Variants in ST6GAL2 observed in about 807,000 individuals in gnomAD.
The protein encoded by ST6GAL2 is beta-galactoside alpha-2,6-sialyltransferase 2.
Under a neutral mutation model 37.5 loss-of-function variants are expected in ST6GAL2, and 24 were observed. That is an observed-to-expected ratio of 0.64 (90% CI 0.46 to 0.90). The LOEUF (loss-of-function observed/expected upper bound fraction) is 0.90, where lower values mean the gene tolerates loss of function less well. Ranked by LOEUF, ST6GAL2 falls within the 40% of genes least tolerant of loss-of-function variation. ST6GAL2 has a pLI of 0.00. For missense variants in ST6GAL2, 715 were observed against 712.7 expected (o/e 1.00, Z -0.04); for synonymous variants, 306 against 295.1 (o/e 1.04, Z -0.38).
chr2:106,878,437 C>T (rs1678598598), intron 1 of ST6GAL2, among the ~76,000 whole-genome samples: 1 of 152,112 alleles, frequency 6.6e-6, no homozygotes, highest in South Asian at 2.1e-4. Context: ...GTACTCCAGC[C>T]TAGGCAACAG....
intron 1 of ST6GAL2, 139 bp downstream of exon 1, chr2:106,885,954 T>TTTCCCCAAACCACCTTCAACA (rs2104678070): frequency 6.6e-6 from 1 of 152,354 alleles, no homozygotes; most frequent in African/African-American, 2.4e-5. Flanking sequence ...ATTTCCTGCT[T>TTTCCCCAAACCACCTTCAACA]TTCCCCAAAC....
chr2:106,832,973 C>T (rs1488340766), intron 3 of ST6GAL2, among the ~76,000 whole-genome samples: 3 of 152,132 alleles, frequency 2.0e-5, no homozygotes, highest in African/African-American at 7.2e-5. Flanking sequence ...AGCCGCACAA[C>T]CTCTTCTACA....
chr2:106,860,572 C>T (rs923688656), intron 1 of ST6GAL2, among the ~76,000 whole-genome samples: 1 of 152,168 alleles, frequency 6.6e-6, no homozygotes, highest in Non-Finnish European at 1.5e-5. Flanking sequence ...CCACGTACTG[C>T]AACACGGGCA....
intron 1 of ST6GAL2, among the ~76,000 whole-genome samples, chr2:106,874,529 T>G (rs958191631): frequency 4.7e-5 from 7 of 150,392 alleles, no homozygotes; most frequent in African/African-American, 1.5e-4. Context: ...ACAATCGAGC[T>G]TAAGGTTTGG....
chr2:106,813,772 C>A (rs1675696789), intron 5 of ST6GAL2, among the ~76,000 whole-genome samples: 2 of 152,210 alleles, frequency 1.3e-5, no homozygotes, highest in Middle Eastern at 3.4e-3. Flanking sequence ...CAGTTTAAAT[C>A]AATTCTAATA....
intron 1 of ST6GAL2, among the ~76,000 whole-genome samples, chr2:106,868,221 C>T (rs1037697677): frequency 2.6e-5 from 4 of 152,012 alleles, no homozygotes; most frequent in African/African-American, 4.8e-5. Context: ...GGGGAAGGAA[C>T]GGAAGCCTGG....
At chr2:106,876,420 T>C (rs1678504724) in intron 1 of ST6GAL2, among the ~76,000 whole-genome samples, 2 of 152,192 alleles carry the variant, frequency 1.3e-5, no homozygotes, top group Non-Finnish European at 2.9e-5. Flanking sequence ...TGAACAAATA[T>C]TGAACTTTTG....
At chr2:106,866,414 T>A (rs1037950536) in intron 1 of ST6GAL2, among the ~76,000 whole-genome samples, 2 of 152,224 alleles carry the variant, frequency 1.3e-5, no homozygotes, top group East Asian at 3.8e-4. Context: ...ATCCTGTCCA[T>A]CGTTCCTTGC....
At chr2:106,827,843 T>C (rs1382290348) in intron 5 of ST6GAL2, among the ~76,000 whole-genome samples, 1 of 152,168 alleles carries the variant, frequency 6.6e-6, no homozygotes, top group Non-Finnish European at 1.5e-5. Flanking sequence ...AAAATAATAA[T>C]GCTTATTAGT....
intron 1 of ST6GAL2, among the ~76,000 whole-genome samples, chr2:106,865,894 T>C (rs1241852049): frequency 6.6e-6 from 1 of 152,202 alleles, no homozygotes. Flanking sequence ...GATAATAAAA[T>C]ATATTTGTGA....
At chr2:106,836,586 T>TAA (rs1676647891) in intron 2 of ST6GAL2, among the ~76,000 whole-genome samples, 1 of 151,564 alleles carries the variant, frequency 6.6e-6, no homozygotes, top group African/African-American at 2.4e-5. Flanking sequence ...TATATATATA[T>TAA]AATATGTTAG....
chr2:106,807,249 G>A (rs908366046), intron 5 of ST6GAL2, among the ~76,000 whole-genome samples: 24 of 152,094 alleles, frequency 1.6e-4, no homozygotes, highest in Non-Finnish European at 3.2e-4. Flanking sequence ...GGAACCACAC[G>A]CTAGTGAAGG....
chr2:106,858,893 T>C (rs1326777814), intron 1 of ST6GAL2, among the ~76,000 whole-genome samples: 1 of 152,074 alleles, frequency 6.6e-6, no homozygotes, highest in African/African-American at 2.4e-5. Context: ...GTGCTCAGAA[T>C]GGCAAGGGAG....
intron 1 of ST6GAL2, among the ~76,000 whole-genome samples, chr2:106,858,030 T>G (rs1483260167): frequency 6.6e-6 from 1 of 152,228 alleles, no homozygotes; most frequent in African/African-American, 2.4e-5. Flanking sequence ...CTGTCACATC[T>G]TCTTCTTAAC....
intron 2 of ST6GAL2, among the ~76,000 whole-genome samples, chr2:106,837,684 C>G (rs2104495433): frequency 6.6e-6 from 1 of 152,284 alleles, no homozygotes; most frequent in Non-Finnish European, 1.5e-5. Flanking sequence ...CTACCCACCC[C>G]TCAGACACAG....
At chr2:106,823,522 G>A (rs1182334328) in intron 5 of ST6GAL2, among the ~76,000 whole-genome samples, 1 of 150,874 alleles carries the variant, frequency 6.6e-6, no homozygotes, top group Non-Finnish European at 1.5e-5. Flanking sequence ...GAGAGAGAGA[G>A]AGAAAGATTT....
chr2:106,872,168 G>A (rs754331848), intron 1 of ST6GAL2, among the ~76,000 whole-genome samples: 186 of 152,302 alleles, frequency 1.2e-3, no homozygotes, highest in East Asian at 1.7e-3. Flanking sequence ...GTTATATGTC[G>A]TCTGTCACTG....
chr2:106,838,004 C>A (rs890530753), intron 2 of ST6GAL2, among the ~76,000 whole-genome samples: 1 of 152,080 alleles, frequency 6.6e-6, no homozygotes, highest in Non-Finnish European at 1.5e-5. Context: ...CTGTGAGCAG[C>A]GTGGGGTTGG....
chr2:106,810,935 G>A (rs900449072), intron 5 of ST6GAL2, among the ~76,000 whole-genome samples: 1 of 149,486 alleles, frequency 6.7e-6, no homozygotes, highest in African/African-American at 2.5e-5. Context: ...CTCACTGAGC[G>A]ACAGAGTGGC....
Sources: gnomAD v4.1 joint callset for allele counts (sites outside exome capture counted in the v4.1 genomes callset) on GRCh38, gnomAD v4.1.1 for gene constraint, MANE v1.5 for transcripts, NCBI Gene and HGNC (gene_info 2026-07-23, HGNC 2026-07-21) for gene names.